The following FBXO28 variants were observed in gnomAD, a reference collection of about 807,000 sequenced individuals.
FBXO28 encodes F-box only protein 28.
FBXO28 carries 8 observed loss-of-function variants against 38.1 expected under a neutral mutation model. The ratio of observed to expected loss-of-function variants is 0.21; its 90% CI spans 0.12 to 0.38. The LOEUF is 0.38. Ranked by LOEUF, FBXO28 falls within the 10% of genes least tolerant of loss-of-function variation. The pLI is 1.00. For synonymous variants in FBXO28, 168 were observed against 173.8 expected (o/e 0.97, Z 0.26); for missense variants, 345 against 460.6 (o/e 0.75, Z 2.30).
chr1:224,114,266 A>C lies in FBXO28; in HGVS notation c.137A>C (p.Gln46Pro). 1 of 1,555,816 alleles carries C rather than the reference A, an allele frequency of 6.4e-7. No individual in the cohort carries two copies. ...CCACAGCACCCGCAGCCGGGGTCCC[A>C]GGCGCTCCCAGCCCCCGCGCTGGCT... The part of the protein sequence containing the change: ...PAPQHPQPGS[Q>P]ALPAPALAPD... Residue 46 changes from glutamine to proline, a missense_variant, in exon 1 of 5, where the codon CAG becomes CCG. Around this residue, in one of 6 missense-constraint regions of FBXO28, gnomAD observed 104 missense variants for 82.0 expected, o/e 1.27. Coordinates refer to ENST00000366862, the MANE Select transcript of FBXO28 (RefSeq NM_015176.4).
chr1:224,143,848 AAG>A (rs1657430869), intron 3 of FBXO28, among the ~76,000 whole-genome samples: 1 of 150,126 alleles, frequency 6.7e-6, no homozygotes, highest in African/African-American at 2.5e-5. Context: ...AAAAAAAAAA[AAG>A]AAAAATGAAT....
rs754747943 is a variant in FBXO28 at position 224,114,168 on chromosome 1, A to T, written c.39A>T (p.Gly13=). Residue 13 remains glycine, a synonymous_variant, in exon 1 of 5, where the codon GGA becomes GGT. Transcript: ENST00000366862. Reference sequence around the variant, plus strand: ...CGGAGGAGCGGATGGCAGAGGAAGGAGGCGGCGGCCAAGGCGACGGCGGTT... The same window carrying T: ...CGGAGGAGCGGATGGCAGAGGAAGGTGGCGGCGGCCAAGGCGACGGCGGTT... ...AAAEERMAEE[G]GGGQGDGGSS... is the part of the protein sequence containing the mutation. The T allele has an allele frequency of 3.2e-5, 50 of 1,546,564 alleles. 1 individual carries two copies. The highest frequency in any genetic ancestry group is 4.4e-6 in the Non-Finnish European group (5 of 1,145,564).
chr1:224,130,413 A>C, intron 1 of FBXO28, 59 bp from the exon 2 acceptor site: 1 of 1,074,036 alleles, frequency 9.3e-7, no homozygotes, highest in East Asian at 2.4e-5. Context: ...ATCAGTTATG[A>C]GTCTCAGTTG....
chr1:224,114,985 T>C lies in FBXO28; in HGVS notation c.267+589T>C, dbSNP rs568260403. ...CTTAGCGTTAGCCCCAGCGCCCTAA[T>C]TGACCACTAAAGTAGAGCCTTGGGA... On this transcript the variant is annotated intron_variant, in intron 1 of 4. Coordinates refer to ENST00000366862, the MANE Select transcript of FBXO28 (RefSeq NM_015176.4). 5.3e-5 allele frequency among the ~76,000 whole-genome samples: 8 copies of C among 152,316 alleles called. No individual in the cohort carries two copies. In the South Asian group the frequency reaches 1.7e-3, roughly 32 times the overall value.
intron 1 of FBXO28, among the ~76,000 whole-genome samples, chr1:224,121,220 A>G (rs1298558027): frequency 6.6e-6 from 1 of 152,200 alleles, no homozygotes; most frequent in Non-Finnish European, 1.5e-5. Flanking sequence ...AAATAATGGT[A>G]CAGATAATCA....
rs749992268 is a variant in FBXO28, at chr1:224,134,230, G to A, written c.516+18G>A. 4 of 1,610,140 alleles carry A rather than the reference G, an allele frequency of 2.5e-6. No individual in the cohort carries two copies. In the Admixed American group the frequency reaches 6.7e-5, roughly 27 times the overall value. ...CAGGAAAGGTAAAATAGAATTGCTT[G>A]CCTAGAACAGCTGGACTGCCCTACA... is the stretch of plus-strand genomic sequence containing the variant. On this transcript the variant is annotated intron_variant, in intron 3 of 4. Coordinates refer to ENST00000366862, the MANE Select transcript of FBXO28 (RefSeq NM_015176.4).
chr1:224,123,711 A>G (rs1458234882), intron 1 of FBXO28, among the ~76,000 whole-genome samples: 2 of 152,194 alleles, frequency 1.3e-5, no homozygotes, highest in Non-Finnish European at 1.5e-5. Flanking sequence ...TTATAATGCT[A>G]AGACATTATA....
chr1:224,157,329 C>T, intron 4 of FBXO28, 23 bp from the exon 5 acceptor site: 1 of 1,561,094 alleles, frequency 6.4e-7, no homozygotes, highest in African/African-American at 1.4e-5. Context: ...AGTGACTGAC[C>T]CTTTTGAATT....
intron 1 of FBXO28, among the ~76,000 whole-genome samples, chr1:224,115,213 G>A (rs942082747): frequency 6.6e-6 from 1 of 152,182 alleles, no homozygotes; most frequent in Non-Finnish European, 1.5e-5. Context: ...TGCCATTGGG[G>A]TTTTACTTCA....
At chr1:224,117,806 G>A (rs562809391) in intron 1 of FBXO28, among the ~76,000 whole-genome samples, 3 of 151,868 alleles carry the variant, frequency 2.0e-5, no homozygotes, top group African/African-American at 7.2e-5. Flanking sequence ...TCAGGAGTTC[G>A]ATACCAGCCT....
rs910729770 is a variant in FBXO28, at chr1:224,161,870, A to C, written c.*4124A>C. 15 of 152,334 alleles carry C rather than the reference A, an allele frequency of 9.8e-5. No individual in the cohort carries two copies. Among genetic ancestry groups the C allele is most frequent in the African/African-American group, 3.4e-4 (14 of 41,576 alleles). 9.4% of individuals were successfully genotyped at this position (152,334 alleles called of 1,614,324 possible). On this transcript the variant is annotated 3_prime_UTR_variant, in exon 5 of 5. Coordinates refer to ENST00000366862, the MANE Select transcript of FBXO28 (RefSeq NM_015176.4). ...TTCAAACCTATTCCAAAAGGTTAGAAGTGTTTAAGATTCCTTTATTGTGGT... is the reference window on the plus strand; with the variant it reads ...TTCAAACCTATTCCAAAAGGTTAGACGTGTTTAAGATTCCTTTATTGTGGT...
At chr1:224,133,935 A>G (rs869945) in intron 2 of FBXO28, 139 bp from the exon 3 acceptor site, 216,053 of 526,380 alleles carry the variant, frequency 0.41, 45,613 homozygotes, top group East Asian at 0.54. Context: ...TCATCATTAC[A>G]GTTAAATTAT....
At chr1:224,143,272 C>T (rs1169154594) in intron 3 of FBXO28, among the ~76,000 whole-genome samples, 2 of 151,926 alleles carry the variant, frequency 1.3e-5, no homozygotes, top group Non-Finnish European at 2.9e-5. Context: ...CGGCCAGGGC[C>T]ACTGTCTGTT....
chr1:224,132,927 A>G (rs1438675414), intron 2 of FBXO28, among the ~76,000 whole-genome samples: 3 of 152,238 alleles, frequency 2.0e-5, no homozygotes, highest in Non-Finnish European at 4.4e-5. Flanking sequence ...ATGTTTGCAC[A>G]AAAACTTGTA....
intron 1 of FBXO28, among the ~76,000 whole-genome samples, chr1:224,129,989 C>CAA (rs562019501): frequency 6.5e-4 from 83 of 127,124 alleles, no homozygotes; most frequent in Admixed American, 4.3e-3. Flanking sequence ...GACTCCATCT[C>CAA]AAAAAAAAAA....
At chr1:224,157,089 A>C (rs1277211364) in intron 4 of FBXO28, among the ~76,000 whole-genome samples, 1 of 152,092 alleles carries the variant, frequency 6.6e-6, no homozygotes, top group Non-Finnish European at 1.5e-5. Context: ...TTTTAAATTC[A>C]AGTTTATGCC....
chr1:224,151,888 C>T (rs1419443191), intron 3 of FBXO28, among the ~76,000 whole-genome samples: 4 of 151,766 alleles, frequency 2.6e-5, no homozygotes, highest in African/African-American at 7.3e-5. Flanking sequence ...ACTAAAAATA[C>T]AAAATTAGCC....
intron 3 of FBXO28, among the ~76,000 whole-genome samples, chr1:224,148,378 C>A (rs750470024): frequency 1.3e-5 from 2 of 152,108 alleles, no homozygotes; most frequent in Non-Finnish European, 2.9e-5. Flanking sequence ...CGGCCAGGCA[C>A]GGTGGCTCAC....
At chr1:224,122,074 A>T (rs1290178000) in intron 1 of FBXO28, among the ~76,000 whole-genome samples, 1 of 152,172 alleles carries the variant, frequency 6.6e-6, no homozygotes, top group Middle Eastern at 3.2e-3. Context: ...GCCTGGCCCC[A>T]AATAGAATTT....
Sources: allele counts gnomAD v4.1 joint callset (sites outside exome capture counted in the v4.1 genomes callset), GRCh38; gene constraint gnomAD v4.1.1; regional missense constraint gnomAD v4.1.1; transcripts MANE v1.5; gene names NCBI Gene and HGNC (gene_info 2026-07-23, HGNC 2026-07-21).